The following EGLN2 variants were observed in gnomAD, a reference collection of about 807,000 sequenced individuals.
The protein encoded by EGLN2 is egl-9 family hypoxia inducible factor 2.
A neutral mutation model predicts 38.2 loss-of-function variants in EGLN2; 15 were observed. The ratio of observed to expected loss-of-function variants is 0.39; its 90% CI spans 0.26 to 0.60. The LOEUF (loss-of-function observed/expected upper bound fraction) is 0.60. EGLN2 is among the 20% of genes least tolerant of loss of function. EGLN2 has a pLI of 0.50. For missense variants in EGLN2, 492 were observed against 570.4 expected, an observed-to-expected ratio of 0.86 and a Z score of 1.40; for synonymous variants, 284 against 237.4, an observed-to-expected ratio of 1.20 and a Z score of -1.81.
Position 40,800,893 on chromosome 19 carries a change from G to T in EGLN2, c.321G>T (p.Leu107Phe). ...AALVTKGCQR[L>F]AAQGARPEAP... ...TGGTCACCAAGGGGTGCCAGCGATTGGCAGCCCAGGGCGCACGGCCTGAGG... is the reference window on the plus strand; with the variant it reads ...TGGTCACCAAGGGGTGCCAGCGATTTGCAGCCCAGGGCGCACGGCCTGAGG... Residue 107 changes from leucine (L) to phenylalanine (F), a missense_variant, in exon 2 of 6, where the codon TTG (leucine) becomes TTT (phenylalanine). Physicochemically the swap from Leu to Phe is conservative, Grantham distance 22. Coordinates refer to ENST00000303961, the MANE Select transcript of EGLN2 (RefSeq NM_080732.4). The T allele has an allele frequency of 6.2e-7, 1 of 1,610,208 alleles. No individual in the cohort carries two copies. Among genetic ancestry groups the T allele is most frequent in the Non-Finnish European group, 8.5e-7 (1 of 1,178,698 alleles).
chr19:40,807,126 G>A lies in EGLN2; in HGVS notation c.964-12G>A. 6.2e-7 allele frequency: 1 copy of A among 1,613,836 alleles called. No individual in the cohort carries two copies. Among genetic ancestry groups the A allele is most frequent in the South Asian group, 1.1e-5 (1 of 91,086 alleles). On this transcript the variant is annotated splice_polypyrimidine_tract_variant and intron_variant, in intron 3 of 5. Coordinates refer to ENST00000303961, the MANE Select transcript of EGLN2 (RefSeq NM_080732.4). ...CCGTACCAGCTAGCCTCATCCTTTG[G>A]CCTGCCCCCAGGTGCATGGCGGCCT...
intron 2 of EGLN2, chr19:40,804,857 G>T (rs1304435347): frequency 6.6e-6 from 1 of 152,208 alleles, no homozygotes; most frequent in Non-Finnish European, 1.5e-5. Flanking sequence ...TTGTACTCTG[G>T]TGCTGCCAGA....
Position 40,807,946 on chromosome 19 carries a change from C to T in EGLN2, c.*82C>T. On this transcript the variant is annotated 3_prime_UTR_variant, in exon 6 of 6. Transcript: ENST00000303961. ...GCCTGTGCTGGCTGCTCCTTCCCTG[C>T]CACCGCTGCTGCTTCTGACTTTGCC... 7.4e-7 allele frequency: 1 copy of T among 1,356,190 alleles called. No individual in the cohort carries two copies. Among genetic ancestry groups the T allele is most frequent in the South Asian group, 1.2e-5 (1 of 82,492 alleles). 84.0% of individuals were successfully genotyped at this position (1,356,190 alleles called of 1,614,324 possible). A position where few individuals can be genotyped will look rare whatever the true frequency, so the allele number is the denominator to read the frequency against.
chr19:40,802,755 G>A (rs1337104173), intron 2 of EGLN2, among the ~76,000 whole-genome samples: 2 of 152,246 alleles, frequency 1.3e-5, no homozygotes, highest in Non-Finnish European at 2.9e-5. Flanking sequence ...CCAAGGCTTG[G>A]TGTCCTTTGG....
At chr19:40,802,093 G>T (rs2083265472) in intron 2 of EGLN2, among the ~76,000 whole-genome samples, 1 of 152,090 alleles carries the variant, frequency 6.6e-6, no homozygotes, top group Non-Finnish European at 1.5e-5. Flanking sequence ...ATCCTTCCCT[G>T]TGCTCCTGTC....
rs2083321148 is a variant in EGLN2 at position 40,808,335 on chromosome 19, C to A, written c.*471C>A. On this transcript the variant is annotated 3_prime_UTR_variant, in exon 6 of 6. Coordinates refer to ENST00000303961, the MANE Select transcript of EGLN2 (RefSeq NM_080732.4). ...TTGGCCATGGCAGGCACCTTTTGGA[C>A]TGGGCTGCCACTGCTTGGGCAGAGT... 2 of 408,650 alleles carry A rather than the reference C, an allele frequency of 4.9e-6. No homozygotes were observed. The highest frequency in any genetic ancestry group is 4.1e-5 in the African/African-American group (2 of 48,916). The allele number at this position is 408,650 out of a possible 1,614,324, so 25.3% of individuals were successfully genotyped here. A position where few individuals can be genotyped will look rare whatever the true frequency, so the allele number is the denominator to read the frequency against.
At chr19:40,802,879 T>G (rs182755670) in intron 2 of EGLN2, among the ~76,000 whole-genome samples, 64 of 152,370 alleles carry the variant, frequency 4.2e-4, no homozygotes, top group East Asian at 1.5e-3. Flanking sequence ...GTCCTCTGCC[T>G]CCTCCTGCAG....
rs775339980 is a variant in EGLN2 at position 40,806,538 on chromosome 19, C to A, written c.844-17C>A. On this transcript the variant is annotated splice_polypyrimidine_tract_variant and intron_variant, in intron 2 of 5. Coordinates refer to ENST00000303961, the MANE Select transcript of EGLN2 (RefSeq NM_080732.4). Reference sequence around the variant, plus strand: ...CTGCCTAGCCCCAGTAAACCTACCTCCCTCCATCCCTGCCAGGCCATGGTG... The same window carrying A: ...CTGCCTAGCCCCAGTAAACCTACCTACCTCCATCCCTGCCAGGCCATGGTG... The A allele has an allele frequency of 5.6e-6, 9 of 1,613,846 alleles. No homozygotes were observed. Among genetic ancestry groups the A allele is most frequent in the African/African-American group, 1.3e-5 (1 of 74,908 alleles).
chr19:40,806,450 G>A (rs1203945429), intron 2 of EGLN2, 105 bp from the exon 3 acceptor site: 2 of 1,557,876 alleles, frequency 1.3e-6, no homozygotes, highest in Middle Eastern at 2.3e-4. Context: ...AGGAGTCATG[G>A]GGAAGATGGG....
Position 40,807,998 on chromosome 19 carries a change from T to C in EGLN2, c.*134T>C, listed in dbSNP as rs1359540348. On this transcript the variant is annotated 3_prime_UTR_variant, in exon 6 of 6. Transcript: ENST00000303961. Reference sequence around the variant, plus strand: ...CTGTCCTGCCTGGTGTGGAGGGCTCTGTCTGTTGCTGAGGACCAAGGAGGA... The same window carrying C: ...CTGTCCTGCCTGGTGTGGAGGGCTCCGTCTGTTGCTGAGGACCAAGGAGGA... 2 of 848,720 alleles carry C rather than the reference T, an allele frequency of 2.4e-6. No individual in the cohort carries two copies. Among genetic ancestry groups the C allele is most frequent in the African/African-American group, 3.4e-5 (2 of 59,080 alleles). 52.6% of individuals were successfully genotyped at this position (848,720 alleles called of 1,614,324 possible). A position where few individuals can be genotyped will look rare whatever the true frequency, so the allele number is the denominator to read the frequency against.
rs371393468 is a variant in EGLN2 at position 40,806,752 on chromosome 19, C to T, written c.963+78C>T. The T allele has an allele frequency of 1.5e-5, 24 of 1,562,472 alleles. No homozygotes were observed. In the South Asian group the frequency reaches 1.6e-4, roughly 10 times the overall value. Reference sequence around the variant, plus strand: ...GGTGGCGTGCGTCCACTCCATTTTCCACTCTCAGCCCAGATTCTGGCATTC... The same window carrying T: ...GGTGGCGTGCGTCCACTCCATTTTCTACTCTCAGCCCAGATTCTGGCATTC... On this transcript the variant is annotated intron_variant, in intron 3 of 5. Coordinates refer to ENST00000303961, the MANE Select transcript of EGLN2 (RefSeq NM_080732.4).
At chr19:40,803,473 G>A (rs2145086294) in intron 2 of EGLN2, among the ~76,000 whole-genome samples, 1 of 152,282 alleles carries the variant, frequency 6.6e-6, no homozygotes, top group South Asian at 2.1e-4. Context: ...AGCAACTCCA[G>A]GCTTTCCCGC....
At chr19:40,800,038 C>G (rs1314536174) in intron 1 of EGLN2, 1 of 153,550 alleles carries the variant, frequency 6.5e-6, no homozygotes, top group Non-Finnish European at 1.4e-5. Context: ...TACTCCAGCC[C>G]TCCTTCTTCT....
Position 40,802,240 on chromosome 19 carries a change from A to T in EGLN2, c.843+825A>T, listed in dbSNP as rs569329012. ...GAAAGGGGTGCTGCCCGCTGGGCCG[A>T]GTGCTTGGCCCTGGACTGCATTGTG... On this transcript the variant is annotated intron_variant, in intron 2 of 5. Coordinates refer to ENST00000303961, the MANE Select transcript of EGLN2 (RefSeq NM_080732.4). 2.0e-5 allele frequency among the ~76,000 whole-genome samples: 3 copies of T among 152,180 alleles called. No homozygotes were observed. The South Asian group carries it at 6.2e-4, about 32-fold the overall frequency.
intron 2 of EGLN2, chr19:40,803,018 C>G (rs893677582): frequency 1.3e-5 from 2 of 152,300 alleles, no homozygotes; most frequent in East Asian, 1.9e-4. Flanking sequence ...ACTTCCCTCT[C>G]CCTCCCGTTA....
In EGLN2 at chr19:40,807,842, C is replaced by G. The variant is rs1477585482; in HGVS notation, c.1202C>G (p.Ser401Ter). 1.9e-6 allele frequency: 3 copies of G among 1,614,052 alleles called. No homozygotes were observed. The highest frequency in any genetic ancestry group is 2.2e-5 in the East Asian group (1 of 44,894). ...SGQKGVQVPV[S>*]QPPTPT is the part of the protein sequence containing the mutation. ...CAGAAAGGTGTCCAAGTACCTGTAT[C>G]ACAGCCGCCTACGCCCACCTAGTGG... The change falls in exon 6 of 6, where the codon TCA (serine) becomes TGA (stop). Residue 401 changes from serine (S) to a stop codon, truncating the protein, a stop_gained. Coordinates refer to ENST00000303961, the MANE Select transcript of EGLN2 (RefSeq NM_080732.4). LOFTEE classifies it high-confidence loss of function.
Position 40,807,850 on chromosome 19 carries a change from C to A in EGLN2, c.1210C>A (p.Pro404Thr), listed in dbSNP as rs1167547428. The A allele has an allele frequency of 6.2e-7, 1 of 1,614,180 alleles. No individual in the cohort carries two copies. The highest frequency in any genetic ancestry group is 8.5e-7 in the Non-Finnish European group (1 of 1,180,014). ...TGTCCAAGTACCTGTATCACAGCCG[C>A]CTACGCCCACCTAGTGGCCAGTCCC... ...KGVQVPVSQP[P>T]TPT The change falls in exon 6 of 6, where the codon CCT becomes ACT. Residue 404 changes from proline to threonine, a missense_variant. By Grantham distance (38) the Pro-to-Thr change is conservative. Around this residue, in one of 2 missense-constraint regions of EGLN2, gnomAD observed 114 missense variants for 184.2 expected, o/e 0.62. Coordinates refer to ENST00000303961, the MANE Select transcript of EGLN2 (RefSeq NM_080732.4).
intron 1 of EGLN2, chr19:40,799,892 G>C (rs1272291647): frequency 1.8e-5 from 1 of 56,102 alleles, no homozygotes; most frequent in East Asian, 1.1e-3. Flanking sequence ...AGTTTCCTCT[G>C]TCTTTTGACC....
chr19:40,805,309 A>C (rs949630919), intron 2 of EGLN2: 3 of 152,238 alleles, frequency 2.0e-5, no homozygotes, highest in Admixed American at 2.0e-4. Flanking sequence ...GTGCTACCTC[A>C]TCTTGCCACT....
Sources: allele counts gnomAD v4.1 joint callset (sites outside exome capture counted in the v4.1 genomes callset), GRCh38; gene constraint gnomAD v4.1.1; regional missense constraint gnomAD v4.1.1; transcripts MANE v1.5; gene names NCBI Gene and HGNC (gene_info 2026-07-23, HGNC 2026-07-21).